Variants in TMEM132D observed in about 807,000 individuals in gnomAD.
TMEM132D encodes mature OL transmembrane protein.
A neutral mutation model predicts 62.3 loss-of-function variants in TMEM132D; 21 were observed. The ratio of observed to expected loss-of-function variants is 0.34; its 90% CI spans 0.24 to 0.49. The LOEUF is 0.49. TMEM132D is among the 20% of genes least tolerant of loss of function. The pLI is 0.99. For missense variants in TMEM132D, 1,346 were observed against 1,402.8 expected (o/e 0.96, Z 0.65); for synonymous variants, 621 against 575.6 (o/e 1.08, Z -1.13).
At chr12:129,751,478 A>C (rs528290223) in intron 1 of TMEM132D, among the ~76,000 whole-genome samples, 1 of 152,218 alleles carries the variant, frequency 6.6e-6, no homozygotes, top group East Asian at 1.9e-4. Context: ...ACACAGCCAA[A>C]CCATCAGTCC....
intron 2 of TMEM132D, among the ~76,000 whole-genome samples, chr12:129,580,018 A>C (rs772335609): frequency 5.3e-5 from 8 of 152,320 alleles, no homozygotes; most frequent in Non-Finnish European, 7.4e-5. Flanking sequence ...ACGCATCATC[A>C]CATTGACCAT....
intron 5 of TMEM132D, among the ~76,000 whole-genome samples, chr12:129,161,105 A>G (rs957782536): frequency 1.3e-5 from 2 of 152,232 alleles, no homozygotes; most frequent in African/African-American, 2.4e-5. Context: ...AAATATCTCT[A>G]TCTTCTGGTG....
chr12:129,472,502 T>A (rs1176914943), intron 3 of TMEM132D, among the ~76,000 whole-genome samples: 1 of 152,106 alleles, frequency 6.6e-6, no homozygotes, highest in Non-Finnish European at 1.5e-5. Flanking sequence ...AAAACCTAGA[T>A]GACGGGTTGA....
At chr12:129,894,306 G>A (rs541922783) in intron 1 of TMEM132D, among the ~76,000 whole-genome samples, 21 of 152,220 alleles carry the variant, frequency 1.4e-4, no homozygotes, top group Non-Finnish European at 8.8e-5. Flanking sequence ...GGGGGACACC[G>A]CCCCCCATGA....
intron 2 of TMEM132D, among the ~76,000 whole-genome samples, chr12:129,622,857 G>A (rs540507944): frequency 2.0e-5 from 3 of 152,330 alleles, no homozygotes; most frequent in Non-Finnish European, 1.5e-5. Context: ...GGGCAAATGA[G>A]CCAATCAAGG....
At chr12:129,233,660 CTTGTTGCCCAGGCTGGA>C (rs1879706072) in intron 4 of TMEM132D, among the ~76,000 whole-genome samples, 1 of 152,014 alleles carries the variant, frequency 6.6e-6, no homozygotes, top group South Asian at 2.1e-4. Context: ...GAGTTTCACT[CTTGTTGCCCAGGCTGGA>C]GTGTCATGGT....
chr12:129,512,903 G>A (rs1459921134), intron 3 of TMEM132D, among the ~76,000 whole-genome samples: 1 of 152,190 alleles, frequency 6.6e-6, no homozygotes. Context: ...GAGTTCATTA[G>A]AAGCAAGTTA....
intron 2 of TMEM132D, among the ~76,000 whole-genome samples, chr12:129,553,241 C>T (rs561212854): frequency 1.3e-5 from 2 of 152,284 alleles, no homozygotes; most frequent in Admixed American, 6.5e-5. Flanking sequence ...CTTCACTCTG[C>T]CACAGTGGCC....
chr12:129,644,291 G>C (rs534282420), intron 2 of TMEM132D, among the ~76,000 whole-genome samples: 2 of 152,228 alleles, frequency 1.3e-5, no homozygotes, highest in African/African-American at 4.8e-5. Context: ...AATTAACTAC[G>C]ACATGTCTCA....
chr12:129,432,561 T>C (rs1872692116), intron 3 of TMEM132D, among the ~76,000 whole-genome samples: 1 of 152,248 alleles, frequency 6.6e-6, no homozygotes, highest in Admixed American at 6.5e-5. Flanking sequence ...GAGAGTGGTC[T>C]CAGCATTCCC....
At chr12:129,592,437 G>A (rs1878219257) in intron 2 of TMEM132D, among the ~76,000 whole-genome samples, 1 of 152,106 alleles carries the variant, frequency 6.6e-6, no homozygotes, top group African/African-American at 2.4e-5. Flanking sequence ...TAATCCAACT[G>A]GTCTATAGAA....
At chr12:129,589,435 A>G (rs1361505635) in intron 2 of TMEM132D, among the ~76,000 whole-genome samples, 9 of 152,182 alleles carry the variant, frequency 5.9e-5, no homozygotes, top group Non-Finnish European at 1.5e-5. Context: ...GCATGAAAAC[A>G]GACTAATACA....
Position 129,081,936 on chromosome 12 carries a change from C to T in TMEM132D, c.1746G>A (p.Gln582=). The change falls in exon 7 of 9, where the codon CAG becomes CAA. Residue 582 remains glutamine (Q), a synonymous_variant. Transcript: ENST00000422113. The stretch of plus-strand genomic sequence containing the variant: ...CAGGGCCGGCCGCCTCAGCCACAAA[C>T]TGCGTCAGGACCCGCACCATGGCGT... The part of the protein sequence containing the change: ...YQHAMVRVLT[Q]FVAEAAGPGG... 1 of 1,614,090 alleles carries T rather than the reference C, an allele frequency of 6.2e-7. No homozygotes were observed. The highest frequency in any genetic ancestry group is 8.5e-7 in the Non-Finnish European group (1 of 1,180,044).
At chr12:129,444,762 A>C (rs1160551183) in intron 3 of TMEM132D, among the ~76,000 whole-genome samples, 1 of 152,232 alleles carries the variant, frequency 6.6e-6, no homozygotes, top group South Asian at 2.1e-4. Flanking sequence ...GAGAAATGCA[A>C]ATCAAAACCA....
At chr12:129,289,079 C>T (rs527322967) in intron 4 of TMEM132D, among the ~76,000 whole-genome samples, 10 of 151,888 alleles carry the variant, frequency 6.6e-5, no homozygotes, top group East Asian at 5.8e-4. Context: ...GACAGTAGAA[C>T]GGTGGGTGCC....
At chr12:129,517,605 G>T (rs146916623) in intron 3 of TMEM132D, among the ~76,000 whole-genome samples, 1,533 of 152,180 alleles carry the variant, frequency 0.01, 11 homozygotes, top group African/African-American at 0.025. Context: ...ATTTAAGGGC[G>T]TCAAGCTGCA....
chr12:129,473,828 T>C (rs11060367), intron 3 of TMEM132D, among the ~76,000 whole-genome samples: 27,984 of 152,164 alleles, frequency 0.18, 2,500 homozygotes, highest in Middle Eastern at 0.23. Flanking sequence ...CCATAGCAGA[T>C]CTTTATTTAT....
chr12:129,463,460 A>T lies in TMEM132D; in HGVS notation c.1115+67599T>A, dbSNP rs1449809988. On this transcript the variant is annotated intron_variant, in intron 3 of 8. Transcript: ENST00000422113. ...GTCCTATTTATTTATTTATTTATTT[A>T]TTTATTTATGTATTATTATTATTAT... Among the ~76,000 whole-genome samples the T allele has an allele frequency of 3.1e-5, 3 of 96,618 alleles. No homozygotes were observed. In the East Asian group the frequency reaches 9.2e-4, roughly 30 times the overall value. The allele number at this position is 96,618 out of a possible 152,430, so 63.4% of individuals were successfully genotyped here.
chr12:129,427,522 G>A (rs969133763), intron 3 of TMEM132D, among the ~76,000 whole-genome samples: 19 of 152,066 alleles, frequency 1.2e-4, no homozygotes, highest in African/African-American at 1.9e-4. Flanking sequence ...TAACCTGCAC[G>A]TTGTGCACAT....
Sources: allele counts gnomAD v4.1 joint callset (sites outside exome capture counted in the v4.1 genomes callset), GRCh38; gene constraint gnomAD v4.1.1; transcripts MANE v1.5; gene names NCBI Gene and HGNC (gene_info 2026-07-23, HGNC 2026-07-21).